Variants in TTC7B observed in about 807,000 individuals in gnomAD.
TTC7B encodes the protein tetratricopeptide repeat protein 7B.
In TTC7B, 28 loss-of-function variants were observed where a neutral mutation model predicts 106.8. The ratio of observed to expected loss-of-function variants is 0.26; its 90% CI spans 0.19 to 0.36. The LOEUF is 0.36. Ranked by LOEUF, TTC7B falls within the 10% of genes least tolerant of loss-of-function variation. The pLI, the probability that TTC7B is intolerant of heterozygous loss-of-function variation, is 1.00. For synonymous variants in TTC7B, 405 were observed against 430.6 expected (o/e 0.94, Z 0.74); for missense variants, 862 against 1,076.4 (o/e 0.80, Z 2.79).
chr14:90,705,024 T>G (rs1286650365), intron 5 of TTC7B, among the ~76,000 whole-genome samples: 1 of 152,186 alleles, frequency 6.6e-6, no homozygotes, highest in African/African-American at 2.4e-5. Context: ...GAATAAGCTA[T>G]TTCAAGCCCC....
intron 17 of TTC7B, among the ~76,000 whole-genome samples, chr14:90,598,227 C>T (rs550442516): frequency 1.3e-5 from 2 of 152,342 alleles, no homozygotes; most frequent in African/African-American, 2.4e-5. Flanking sequence ...GGTGAGAGCT[C>T]GCTCTGAAAT....
At chr14:90,628,941 C>T (rs9323852) in intron 15 of TTC7B, among the ~76,000 whole-genome samples, 65,028 of 152,224 alleles carry the variant, frequency 0.43, 14,567 homozygotes, top group Middle Eastern at 0.57. Context: ...TGAAGGTGAG[C>T]GATTCTTCGG....
At chr14:90,625,271 C>A (rs1884389879) in intron 15 of TTC7B, among the ~76,000 whole-genome samples, 1 of 152,192 alleles carries the variant, frequency 6.6e-6, no homozygotes, top group Non-Finnish European at 1.5e-5. Context: ...GAGAACTCGG[C>A]TGGGAACAGA....
chr14:90,621,165 T>C (rs112337529), intron 15 of TTC7B, among the ~76,000 whole-genome samples: 14 of 145,198 alleles, frequency 9.6e-5, no homozygotes, highest in African/African-American at 3.3e-4. Flanking sequence ...AGAAGCCACA[T>C]GGGTTCGGCT....
chr14:90,721,705 A>C (rs1221600292), intron 5 of TTC7B, among the ~76,000 whole-genome samples: 8 of 152,196 alleles, frequency 5.3e-5, no homozygotes, highest in Non-Finnish European at 7.3e-5. Flanking sequence ...GACAGGAGCA[A>C]GAGGACAGGT....
Position 90,524,878 on chromosome 14 carries a change from G to GC in TTC7B, c.*16489dup, listed in dbSNP as rs1354552473. The GC allele has an allele frequency of 3.7e-5, 3 of 80,410 alleles. No homozygotes were observed. Among genetic ancestry groups the GC allele is most frequent in the African/African-American group, 6.0e-5 (1 of 16,702 alleles). The allele number at this position is 80,410 out of a possible 1,614,324, so 5.0% of individuals were successfully genotyped here. ...AGGCTGTACTCATCTCCATTACGAG[G>GC]CCTTTTTTTTTAAAAAAAAAAAACA... On this transcript the variant is annotated 3_prime_UTR_variant, in exon 20 of 20. Coordinates refer to ENST00000328459, the MANE Select transcript of TTC7B (RefSeq NM_001010854.2).
rs957789526 is a variant in TTC7B, at chr14:90,525,731, G to T, written c.*15637C>A. On this transcript the variant is annotated 3_prime_UTR_variant, in exon 20 of 20. Transcript: ENST00000328459. Reference sequence around the variant, plus strand: ...GTTGACTAATATTTGGGTCGGTGGAGCCCGAATAATACAATAAGAATAAAA... The same window carrying T: ...GTTGACTAATATTTGGGTCGGTGGATCCCGAATAATACAATAAGAATAAAA... 1.3e-5 allele frequency: 2 copies of T among 148,546 alleles called. No individual in the cohort carries two copies. The highest frequency in any genetic ancestry group is 3.0e-5 in the Non-Finnish European group (2 of 67,222). The allele number at this position is 148,546 out of a possible 1,614,324, so 9.2% of individuals were successfully genotyped here.
At chr14:90,792,259 T>C (rs1891611501) in intron 1 of TTC7B, among the ~76,000 whole-genome samples, 1 of 152,064 alleles carries the variant, frequency 6.6e-6, no homozygotes, top group Non-Finnish European at 1.5e-5. Context: ...GATGCCAAGA[T>C]GTGGAGAGCG....
At chr14:90,712,369 A>G (rs79641071) in intron 5 of TTC7B, among the ~76,000 whole-genome samples, 2,630 of 152,338 alleles carry the variant, frequency 0.017, 33 homozygotes, top group Non-Finnish European at 0.027. Context: ...TTCACAGATG[A>G]CATGATCCTA....
At chr14:90,761,085 G>A (rs1410436973) in intron 3 of TTC7B, among the ~76,000 whole-genome samples, 5 of 152,182 alleles carry the variant, frequency 3.3e-5, no homozygotes, top group African/African-American at 1.2e-4. Context: ...CCAAACTATG[G>A]TATTCCTGGG....
intron 19 of TTC7B, among the ~76,000 whole-genome samples, chr14:90,555,414 G>A (rs909678055): frequency 6.6e-6 from 1 of 152,190 alleles, no homozygotes; most frequent in African/African-American, 2.4e-5. Context: ...GGGAAGGGGG[G>A]GGTGTTTGAT....
intron 13 of TTC7B, among the ~76,000 whole-genome samples, chr14:90,651,633 C>T (rs1885721375): frequency 2.0e-5 from 3 of 152,262 alleles, no homozygotes; most frequent in Admixed American, 2.0e-4. Context: ...GCTTTCCACA[C>T]TCCGTGCTGA....
In TTC7B at chr14:90,582,063, G is replaced by A. The variant is rs368806987; in HGVS notation, c.2108-3755C>T. Reference sequence around the variant, plus strand: ...CCTAGGGTTACTCCCAAATCCCTCCGTTTTCAGCTCAAAAGGAAAGACTGA... The same window carrying A: ...CCTAGGGTTACTCCCAAATCCCTCCATTTTCAGCTCAAAAGGAAAGACTGA... On this transcript the variant is annotated intron_variant, in intron 18 of 19. Transcript: ENST00000328459. 2.6e-5 allele frequency among the ~76,000 whole-genome samples: 4 copies of A among 152,282 alleles called. No individual in the cohort carries two copies. The East Asian group carries it at 5.8e-4, about 22-fold the overall frequency.
rs539993659 is a variant in TTC7B, at chr14:90,575,946, G to A, written c.2310+2160C>T. 2.6e-4 allele frequency among the ~76,000 whole-genome samples: 39 copies of A among 152,160 alleles called. No homozygotes were observed. Among genetic ancestry groups the A allele is most frequent in the African/African-American group, 8.7e-4 (36 of 41,520 alleles). Reference sequence around the variant, plus strand: ...AGCCTAGTAAGGCTCAGTCATTGCCGATGGACCCAGCAGGCGGGGCTCACC... The same window carrying A: ...AGCCTAGTAAGGCTCAGTCATTGCCAATGGACCCAGCAGGCGGGGCTCACC... On this transcript the variant is annotated intron_variant, in intron 19 of 19. Coordinates refer to ENST00000328459, the MANE Select transcript of TTC7B (RefSeq NM_001010854.2). This position sits in a 1 kb window ranked among gnomAD's most constrained non-coding sequence, Gnocchi z 5.2.
At chr14:90,596,803 C>A (rs1443858294) in intron 17 of TTC7B, among the ~76,000 whole-genome samples, 1 of 152,142 alleles carries the variant, frequency 6.6e-6, no homozygotes, top group Non-Finnish European at 1.5e-5. Context: ...CAATACCAGG[C>A]CCATACTAAG....
At chr14:90,596,517 T>C (rs1892210158) in intron 17 of TTC7B, among the ~76,000 whole-genome samples, 1 of 152,176 alleles carries the variant, frequency 6.6e-6, no homozygotes, top group Admixed American at 6.5e-5. Flanking sequence ...GCACTTTATA[T>C]GTACTAATCT....
Position 90,657,449 on chromosome 14 carries a change from G to A in TTC7B, c.1237-171C>T. The A allele has an allele frequency of 1.7e-6, 1 of 581,524 alleles. No individual in the cohort carries two copies. Among genetic ancestry groups the A allele is most frequent in the Non-Finnish European group, 3.0e-6 (1 of 329,490 alleles). The allele number at this position is 581,524 out of a possible 1,614,324, so 36.0% of individuals were successfully genotyped here. A position where few individuals can be genotyped will look rare whatever the true frequency, so the allele number is the denominator to read the frequency against. On this transcript the variant is annotated intron_variant, in intron 10 of 19. Coordinates refer to ENST00000328459, the MANE Select transcript of TTC7B (RefSeq NM_001010854.2). This position sits in a 1 kb window ranked among gnomAD's most constrained non-coding sequence, Gnocchi z 4.2. Reference sequence around the variant, plus strand: ...ATGAAAACCAGAGCCTGCGGCTTCTGAGTGACTGGGGAGTACACTGGGTTA... The same window carrying A: ...ATGAAAACCAGAGCCTGCGGCTTCTAAGTGACTGGGGAGTACACTGGGTTA...
At chr14:90,644,286 A>ACACAC in intron 14 of TTC7B, 78 bp from the exon 15 acceptor site, 1 of 1,142,420 alleles carries the variant, frequency 8.8e-7, no homozygotes, top group Non-Finnish European at 1.2e-6. Context: ...CACACGCGCG[A>ACACAC]AAGAAGCCAT....
At chr14:90,758,480 G>A (rs1333114979) in intron 3 of TTC7B, among the ~76,000 whole-genome samples, 1 of 151,206 alleles carries the variant, frequency 6.6e-6, no homozygotes, top group Non-Finnish European at 1.5e-5. Context: ...CGGGGCAGGG[G>A]GGGCACGGTC....
Sources: allele counts gnomAD v4.1 joint callset (sites outside exome capture counted in the v4.1 genomes callset), GRCh38; gene constraint gnomAD v4.1.1; non-coding constraint Gnocchi (gnomAD v3.1); transcripts MANE v1.5; gene names NCBI Gene and HGNC (gene_info 2026-07-23, HGNC 2026-07-21).